Variants in INTS11 observed in about 807,000 individuals in gnomAD.
INTS11 encodes the protein CPSF3-like protein.
In INTS11, 77 loss-of-function variants were observed where a neutral mutation model predicts 78.6. The observed-to-expected ratio is 0.98, with a 90% CI of 0.81 to 1.18. The LOEUF (loss-of-function observed/expected upper bound fraction) is 1.18. Ranked by LOEUF, INTS11 falls within the 50% of genes most tolerant of loss-of-function variation. The pLI is 0.00. For missense variants in INTS11, 875 were observed against 825.9 expected (o/e 1.06, Z -0.73); for synonymous variants, 441 against 326.9 (o/e 1.35, Z -3.77).
intron 1 of INTS11, chr1:1,323,224 G>T: frequency 6.5e-7 from 1 of 1,550,346 alleles, no homozygotes; most frequent in South Asian, 1.2e-5. Flanking sequence ...GTCTGTGCTG[G>T]AAGGTGCCCT....
In INTS11 at chr1:1,313,090, A is replaced by C. The variant is rs762829023; in HGVS notation, c.1076T>G (p.Val359Gly). 6.2e-7 allele frequency: 1 copy of C among 1,609,286 alleles called. No individual in the cohort carries two copies. Among genetic ancestry groups the C allele is most frequent in the Admixed American group, 1.7e-5 (1 of 59,996 alleles). Reference protein sequence around the residue: ...IMPGYCVQGTVGHKILSGQRK... With the variant: ...IMPGYCVQGTGGHKILSGQRK... ...CTGCCCGCTGAGGATCTTGTGGCCGACGGTGCCCTGCACGCAGTAGCCGGG... is the reference window on the plus strand; with the variant it reads ...CTGCCCGCTGAGGATCTTGTGGCCGCCGGTGCCCTGCACGCAGTAGCCGGG... Residue 359 changes from valine to glycine, a missense_variant, in exon 11 of 17, where the codon GTC becomes GGC. By Grantham distance (109) the Val-to-Gly change is moderately radical. Transcript: ENST00000435064.
Position 1,313,015 on chromosome 1 carries a change from A to C in INTS11, c.1131+20T>G, listed in dbSNP as rs1553167166. ...AGGTGCCCCTCGGCCCTGCCAGCCCAGTGCGGGGTCGAGACTCACCACCTG... is the reference window on the plus strand; with the variant it reads ...AGGTGCCCCTCGGCCCTGCCAGCCCCGTGCGGGGTCGAGACTCACCACCTG... On this transcript the variant is annotated intron_variant, in intron 11 of 16. Coordinates refer to ENST00000435064, the MANE Select transcript of INTS11 (RefSeq NM_017871.6). 1 of 1,611,648 alleles carries C rather than the reference A, an allele frequency of 6.2e-7. No homozygotes were observed. Among genetic ancestry groups the C allele is most frequent in the Non-Finnish European group, 8.5e-7 (1 of 1,179,758 alleles).
Position 1,313,768 on chromosome 1 carries a change from G to A in INTS11, c.921C>T (p.Ala307=), listed in dbSNP as rs758367428. ...GGTTGTCAGCAAAAGCCCGGTCGAA[G>A]GCCTTGATGTGCTTGAACTCAAACA... is the stretch of plus-strand genomic sequence containing the variant. ...RNMFEFKHIK[A]FDRAFADNPG... Residue 307 remains alanine (A), a synonymous_variant, in exon 9 of 17, where the codon GCC becomes GCT. Coordinates refer to ENST00000435064, the MANE Select transcript of INTS11 (RefSeq NM_017871.6). 1.9e-6 allele frequency: 3 copies of A among 1,613,196 alleles called. No homozygotes were observed. Among genetic ancestry groups the A allele is most frequent in the African/African-American group, 2.7e-5 (2 of 74,948 alleles).
At chr1:1,312,203 G>GGGGGA in intron 15 of INTS11, 23 bp downstream of exon 15, 3 of 1,196,352 alleles carry the variant, frequency 2.5e-6, no homozygotes, top group Non-Finnish European at 3.5e-6. Flanking sequence ...GGGAGTGGGG[G>GGGGGA]GGGGGCGGGG....
At chr1:1,312,199 G>GGGGAGA in intron 15 of INTS11, 27 bp downstream of exon 15, 1 of 1,075,098 alleles carries the variant, frequency 9.3e-7, no homozygotes, top group Non-Finnish European at 1.2e-6. Flanking sequence ...CCAAGGGAGT[G>GGGGAGA]GGGGGGGGGC....
In INTS11 at chr1:1,314,669, C is replaced by A; in HGVS notation, c.702+155G>T. 1.0e-6 allele frequency: 1 copy of A among 978,680 alleles called. No homozygotes were observed. The highest frequency in any genetic ancestry group is 1.5e-6 in the Non-Finnish European group (1 of 660,380). 60.6% of individuals were successfully genotyped at this position (978,680 alleles called of 1,614,324 possible). On this transcript the variant is annotated intron_variant, in intron 7 of 16. Transcript: ENST00000435064. This position sits in a 1 kb window ranked among gnomAD's most constrained non-coding sequence, Gnocchi z 4.2. Reference sequence around the variant, plus strand: ...CCCTAGGAAAGGGTCTCTGAGTTTTCCTCCTCAATGTTGAGCAAATCTTCT... The same window carrying A: ...CCCTAGGAAAGGGTCTCTGAGTTTTACTCCTCAATGTTGAGCAAATCTTCT...
At chr1:1,323,229 T>A in intron 1 of INTS11, 1 of 1,550,144 alleles carries the variant, frequency 6.5e-7, no homozygotes, top group Non-Finnish European at 8.7e-7. Context: ...TGCTGGAAGG[T>A]GCCCTCGACC....
At chr1:1,318,058 G>C (rs1415102519) in intron 4 of INTS11, among the ~76,000 whole-genome samples, 1 of 152,040 alleles carries the variant, frequency 6.6e-6, no homozygotes, top group Non-Finnish European at 1.5e-5. Context: ...GTTTAGTAGA[G>C]ACAGGGTTTC....
intron 1 of INTS11, chr1:1,321,809 C>A (rs1486207853): frequency 2.2e-6 from 2 of 906,374 alleles, no homozygotes; most frequent in East Asian, 3.3e-5. Flanking sequence ...CCTCATGTGG[C>A]CTGGGGGCCC....
chr1:1,323,816 C>T (rs1389183886), intron 1 of INTS11, among the ~76,000 whole-genome samples: 1 of 121,880 alleles, frequency 8.2e-6, no homozygotes, highest in Non-Finnish European at 1.7e-5. Flanking sequence ...GTAACTCGGG[C>T]GTGAGCACAC....
At chr1:1,321,917 C>A in intron 1 of INTS11, 2 of 1,309,160 alleles carry the variant, frequency 1.5e-6, no homozygotes, top group East Asian at 3.1e-5. Context: ...CCTCCCCCTG[C>A]CAGCCACTCG....
In INTS11 at chr1:1,313,566, C is replaced by G. The variant is rs1642377175; in HGVS notation, c.984G>C (p.Leu328=). ...PMVVFATPGM[L]HAGQSLQIFR... ...AGATCTGCAGGGACTGCCCAGCGTGCAGCATTCCTGGCGTGGCAAACACAA... is the reference window on the plus strand; with the variant it reads ...AGATCTGCAGGGACTGCCCAGCGTGGAGCATTCCTGGCGTGGCAAACACAA... Residue 328 remains leucine (L), a synonymous_variant, in exon 10 of 17, where the codon CTG becomes CTC. Coordinates refer to ENST00000435064, the MANE Select transcript of INTS11 (RefSeq NM_017871.6). 1 of 1,612,982 alleles carries G rather than the reference C, an allele frequency of 6.2e-7. No homozygotes were observed. The highest frequency in any genetic ancestry group is 8.5e-7 in the Non-Finnish European group (1 of 1,180,016).
In INTS11 at chr1:1,312,132, G is replaced by A. The variant is rs1487034718; in HGVS notation, c.1623C>T (p.His541=). 6.4e-7 allele frequency: 1 copy of A among 1,566,278 alleles called. No individual in the cohort carries two copies. The highest frequency in any genetic ancestry group is 1.4e-5 in the African/African-American group (1 of 73,992). ...AGCCGTCTGGGAGGTGCTGCACACA[G>A]TGGTCCTTCAGGACGCTGTGGGGAG... ...YSHLKSVLKD[H]CVQHLPDGSV... Residue 541 remains histidine, a synonymous_variant, in exon 16 of 17, where the codon CAC becomes CAT. Transcript: ENST00000435064.
intron 1 of INTS11, chr1:1,321,836 G>C: frequency 1.8e-6 from 2 of 1,131,946 alleles, no homozygotes; most frequent in Non-Finnish European, 1.2e-6. Context: ...AAAGGGTCAC[G>C]GCCCCTGCAC....
Position 1,312,066 on chromosome 1 carries a change from AGGGGCGGCGGCCTGGAGGAGGAC to A in INTS11, c.1666_1688del (p.Val556PhefsTer2). On this transcript the variant is annotated frameshift_variant, in exon 16 of 17. Transcript: ENST00000435064. LOFTEE classifies it high-confidence loss of function. ...GCACCTTGGTGCCTGGGTCCTCAGA[AGGGGCGGCGGCCTGGAGGAGGAC>A]GGACTCCACAGTCACAGAGCCGTCT... 1 of 1,572,692 alleles carries A rather than the reference AGGGGCGGCGGCCTGGAGGAGGAC, an allele frequency of 6.4e-7. No homozygotes were observed. The highest frequency in any genetic ancestry group is 8.6e-7 in the Non-Finnish European group (1 of 1,158,038).
chr1:1,320,442 C>T lies in INTS11; in HGVS notation c.200+14G>A. The stretch of plus-strand genomic sequence containing the variant: ...ACAGACATGGGACCCTCAAGGCCCC[C>T]AACAGGAACCCACCTAATGATCACA... On this transcript the variant is annotated intron_variant, in intron 3 of 16. Coordinates refer to ENST00000435064, the MANE Select transcript of INTS11 (RefSeq NM_017871.6). 1 of 1,613,420 alleles carries T rather than the reference C, an allele frequency of 6.2e-7. No individual in the cohort carries two copies. The highest frequency in any genetic ancestry group is 8.5e-7 in the Non-Finnish European group (1 of 1,179,610).
intron 1 of INTS11, among the ~76,000 whole-genome samples, chr1:1,321,726 A>G (rs1265422763): frequency 6.6e-6 from 1 of 151,322 alleles, no homozygotes; most frequent in Non-Finnish European, 1.5e-5. Context: ...GCCCTCCCAC[A>G]CTCCTGACAG....
chr1:1,313,274 G>C, intron 10 of INTS11, 150 bp from the exon 11 acceptor site: 1 of 991,918 alleles, frequency 1.0e-6, no homozygotes, highest in South Asian at 1.5e-5. Context: ...AAAGGGCTCA[G>C]GTTTTGGCAC....
chr1:1,324,637 G>C lies in INTS11; in HGVS notation c.-29C>G, dbSNP rs775298552. ...CTCCGCCGCGCTCCCGGACCCGCGAGGCCCGCCTGCGGTGATGCACTGCGC... is the reference window on the plus strand; with the variant it reads ...CTCCGCCGCGCTCCCGGACCCGCGACGCCCGCCTGCGGTGATGCACTGCGC... On this transcript the variant is annotated 5_prime_UTR_variant, in exon 1 of 17. Transcript: ENST00000435064. 21 of 1,598,584 alleles carry C rather than the reference G, an allele frequency of 1.3e-5. No homozygotes were observed. The highest frequency in any genetic ancestry group is 1.8e-5 in the Non-Finnish European group (21 of 1,174,378).
Sources: allele counts gnomAD v4.1 joint callset (sites outside exome capture counted in the v4.1 genomes callset), GRCh38; gene constraint gnomAD v4.1.1; non-coding constraint Gnocchi (gnomAD v3.1); transcripts MANE v1.5; gene names NCBI Gene and HGNC (gene_info 2026-07-23, HGNC 2026-07-21).